Variants in ERBB4 observed in about 807,000 individuals in gnomAD.
The protein encoded by ERBB4 is receptor tyrosine-protein kinase erbB-4.
In ERBB4, 42 loss-of-function variants were observed where a neutral mutation model predicts 158.0. The ratio of observed to expected loss-of-function variants is 0.27; its 90% CI spans 0.21 to 0.34. ERBB4 has a LOEUF of 0.34. Among genes scored for constraint, ERBB4 ranks in the 10% least tolerant of loss-of-function variants. ERBB4 has a pLI of 1.00. For missense variants in ERBB4, 1,333 were observed against 1,624.1 expected (o/e 0.82, Z 3.08); for synonymous variants, 583 against 558.7 (o/e 1.04, Z -0.61).
chr2:211,953,465 CAAAAAAAAAAAAA>C (rs36024345), intron 2 of ERBB4, among the ~76,000 whole-genome samples: 2 of 85,576 alleles, frequency 2.3e-5, no homozygotes, highest in Non-Finnish European at 5.0e-5. Flanking sequence ...GGTTTTTCTC[CAAAAAAAAAAAAA>C]AAAAAAAAAG....
chr2:212,519,659 C>T (rs1347375085), intron 1 of ERBB4, among the ~76,000 whole-genome samples: 3 of 151,656 alleles, frequency 2.0e-5, no homozygotes, highest in African/African-American at 4.8e-5. Context: ...ATCTGTCGGA[C>T]ATTACGTTAA....
intron 1 of ERBB4, among the ~76,000 whole-genome samples, chr2:212,127,945 C>G (rs1028072619): frequency 6.6e-6 from 1 of 152,162 alleles, no homozygotes; most frequent in Non-Finnish European, 1.5e-5. Flanking sequence ...ACCTCCAGGA[C>G]AGTGAGAGAA....
At chr2:211,881,661 G>A (rs1467301936) in intron 3 of ERBB4, among the ~76,000 whole-genome samples, 1 of 152,052 alleles carries the variant, frequency 6.6e-6, no homozygotes, top group African/African-American at 2.4e-5. Flanking sequence ...CAGTTTTTCG[G>A]ACCCTATGTA....
chr2:211,886,425 T>A (rs981179923), intron 3 of ERBB4, among the ~76,000 whole-genome samples: 1 of 152,096 alleles, frequency 6.6e-6, no homozygotes, highest in South Asian at 2.1e-4. Flanking sequence ...AAAATATTCA[T>A]TGAAATAAAA....
At chr2:212,091,363 G>C (rs2078769566) in intron 2 of ERBB4, among the ~76,000 whole-genome samples, 1 of 152,006 alleles carries the variant, frequency 6.6e-6, no homozygotes, top group African/African-American at 2.4e-5. Flanking sequence ...ATTCTACCAG[G>C]CAGGTAAACT....
At chr2:212,110,377 T>C (rs996413884) in intron 2 of ERBB4, among the ~76,000 whole-genome samples, 2 of 152,254 alleles carry the variant, frequency 1.3e-5, no homozygotes, top group East Asian at 1.9e-4. Flanking sequence ...CCTGTTACCA[T>C]ATTCCTCTTT....
rs1448407109 is a variant in ERBB4, at chr2:211,431,131, C to CAGTT, written c.2488-35_2488-32dup. On this transcript the variant is annotated intron_variant, in intron 20 of 27. Transcript: ENST00000342788. ...AAATATCAAGTTCCTTAATGATATT[C>CAGTT]AGTTAATGCCCAGGTTTTCCCATTT... is the stretch of plus-strand genomic sequence containing the variant. The CAGTT allele has an allele frequency of 1.3e-5, 20 of 1,598,628 alleles. No homozygotes were observed. In the African/African-American group the frequency reaches 2.7e-4, roughly 21 times the overall value.
chr2:212,049,666 G>A (rs556155559), intron 2 of ERBB4, among the ~76,000 whole-genome samples: 2 of 152,294 alleles, frequency 1.3e-5, no homozygotes, highest in African/African-American at 4.8e-5. Context: ...CCAGTTGGTT[G>A]TTGATATTTT....
intron 1 of ERBB4, among the ~76,000 whole-genome samples, chr2:212,205,737 A>T (rs527665365): frequency 3.9e-4 from 59 of 152,294 alleles, no homozygotes; most frequent in Non-Finnish European, 6.6e-4. Flanking sequence ...AGAAATAAGT[A>T]GTCAGATACT....
chr2:212,468,666 G>C (rs1449348756), intron 1 of ERBB4, among the ~76,000 whole-genome samples: 1 of 152,168 alleles, frequency 6.6e-6, no homozygotes, highest in Non-Finnish European at 1.5e-5. Context: ...AGTTTCTCAA[G>C]GCTGACTTCA....
At chr2:211,871,194 G>T (rs1174848801) in intron 3 of ERBB4, among the ~76,000 whole-genome samples, 2 of 152,166 alleles carry the variant, frequency 1.3e-5, no homozygotes, top group African/African-American at 4.8e-5. Flanking sequence ...GGTAGAAGAT[G>T]TGAGTCCAAA....
intron 20 of ERBB4, among the ~76,000 whole-genome samples, chr2:211,467,852 A>C (rs2064733235): frequency 6.6e-6 from 1 of 152,180 alleles, no homozygotes; most frequent in Non-Finnish European, 1.5e-5. Context: ...CTAGATCAGC[A>C]TTCAGTAAGT....
chr2:212,143,122 CTAT>C (rs1422906642), intron 1 of ERBB4, among the ~76,000 whole-genome samples: 1 of 151,954 alleles, frequency 6.6e-6, no homozygotes, highest in Non-Finnish European at 1.5e-5. Context: ...TTTTAGTGTA[CTAT>C]TGAAACTTTA....
chr2:211,817,575 C>T (rs971955562), intron 3 of ERBB4, among the ~76,000 whole-genome samples: 1 of 152,084 alleles, frequency 6.6e-6, no homozygotes, highest in African/African-American at 2.4e-5. Flanking sequence ...TGCTATCAGT[C>T]CCCCTAAATC....
intron 1 of ERBB4, among the ~76,000 whole-genome samples, chr2:212,426,656 T>A (rs1388245431): frequency 6.6e-6 from 1 of 152,092 alleles, no homozygotes; most frequent in Non-Finnish European, 1.5e-5. Context: ...CTTTAGTGCT[T>A]CTTTAGTAAT....
chr2:211,502,807 T>C (rs1197279043), intron 20 of ERBB4, among the ~76,000 whole-genome samples: 1 of 152,162 alleles, frequency 6.6e-6, no homozygotes, highest in Non-Finnish European at 1.5e-5. Context: ...TTCTCAGGCA[T>C]ATTTCTGACA....
intron 5 of ERBB4, among the ~76,000 whole-genome samples, chr2:211,737,823 T>A (rs1401449967): frequency 6.6e-6 from 1 of 152,178 alleles, no homozygotes; most frequent in Non-Finnish European, 1.5e-5. Flanking sequence ...TTGGTATTTT[T>A]AACTAAATAT....
At chr2:212,414,291 T>C (rs1332252507) in intron 1 of ERBB4, among the ~76,000 whole-genome samples, 1 of 152,210 alleles carries the variant, frequency 6.6e-6, no homozygotes, top group Non-Finnish European at 1.5e-5. Flanking sequence ...CATTGCTCTA[T>C]TAGTGAAAGG....
At chr2:211,821,971 A>G (rs2077006035) in intron 3 of ERBB4, among the ~76,000 whole-genome samples, 1 of 152,118 alleles carries the variant, frequency 6.6e-6, no homozygotes, top group Admixed American at 6.6e-5. Flanking sequence ...TAAGACCCTA[A>G]TAACACAGGC....
Sources: allele counts gnomAD v4.1 joint callset (sites outside exome capture counted in the v4.1 genomes callset), GRCh38; gene constraint gnomAD v4.1.1; transcripts MANE v1.5; gene names NCBI Gene and HGNC (gene_info 2026-07-23, HGNC 2026-07-21).